The following CFAP61 variants were observed in gnomAD, a reference collection of about 807,000 sequenced individuals.
The protein encoded by CFAP61 is cilia and flagella associated protein 61.
In CFAP61, 107 loss-of-function variants were observed where a neutral mutation model predicts 135.6. The observed-to-expected ratio is 0.79, with a 90% CI of 0.67 to 0.93. The LOEUF (loss-of-function observed/expected upper bound fraction) is 0.93. Ranked by LOEUF, CFAP61 falls within the 40% of genes least tolerant of loss-of-function variation. CFAP61 has a pLI of 0.00. For missense variants in CFAP61, 1,507 were observed against 1,556.2 expected (o/e 0.97, Z 0.53); for synonymous variants, 575 against 578.5 (o/e 0.99, Z 0.09).
At chr20:20,097,558 A>G (rs2047673111) in intron 7 of CFAP61, among the ~76,000 whole-genome samples, 1 of 152,214 alleles carries the variant, frequency 6.6e-6, no homozygotes, top group South Asian at 2.1e-4. Flanking sequence ...GTTAATTTCT[A>G]ATGTTTTGGT....
intron 13 of CFAP61, among the ~76,000 whole-genome samples, chr20:20,172,519 T>G (rs145145602): frequency 6.6e-6 from 1 of 152,274 alleles, no homozygotes; most frequent in African/African-American, 2.4e-5. Flanking sequence ...GGTTTCATCA[T>G]GTTGCCCAGG....
rs1396745264 is a variant in CFAP61 at position 20,342,059 on chromosome 20, C to G, written c.3513+138C>G. The G allele has an allele frequency of 5.3e-6, 3 of 565,442 alleles. No homozygotes were observed. In the South Asian group the frequency reaches 8.7e-5, roughly 16 times the overall value. The allele number at this position is 565,442 out of a possible 1,614,324, so 35.0% of individuals were successfully genotyped here. On this transcript the variant is annotated intron_variant, in intron 26 of 26. Coordinates refer to ENST00000245957, the MANE Select transcript of CFAP61 (RefSeq NM_015585.4). Reference sequence around the variant, plus strand: ...AACAACAGTATCTCATATAAACAAACTGCGGAGCATGTAAATGCAGACTGT... The same window carrying G: ...AACAACAGTATCTCATATAAACAAAGTGCGGAGCATGTAAATGCAGACTGT...
intron 15 of CFAP61, among the ~76,000 whole-genome samples, chr20:20,191,651 C>A (rs1262041164): frequency 1.3e-5 from 2 of 152,048 alleles, no homozygotes; most frequent in African/African-American, 4.8e-5. Context: ...AACATTCTCA[C>A]CCTAAAAACT....
chr20:20,215,847 A>G (rs2048011483), intron 17 of CFAP61, among the ~76,000 whole-genome samples: 1 of 152,106 alleles, frequency 6.6e-6, no homozygotes, highest in African/African-American at 2.4e-5. Flanking sequence ...AAAAATAAAA[A>G]TAAAAAAACT....
intron 2 of CFAP61, among the ~76,000 whole-genome samples, chr20:20,058,035 G>A (rs1019864485): frequency 2.6e-5 from 4 of 152,132 alleles, no homozygotes; most frequent in Non-Finnish European, 2.9e-5. Flanking sequence ...ACCCTGTTCC[G>A]CATTATTTTT....
chr20:20,282,527 A>T (rs2147052271), intron 22 of CFAP61, among the ~76,000 whole-genome samples: 1 of 152,264 alleles, frequency 6.6e-6, no homozygotes, highest in African/African-American at 2.4e-5. Flanking sequence ...GTGATTTTTT[A>T]TTCAACCTTG....
At position 20,070,768 on chromosome 20, in the gene CFAP61, C is replaced by T. The variant is rs2045647876; in HGVS notation, c.144-86C>T. On this transcript the variant is annotated intron_variant, in intron 2 of 26. Transcript: ENST00000245957. ...GACCTCATGCAGTGGCTGCTGAGCT[C>T]CAGTAGCCAGAGGGAAAAAAATGGC... The T allele has an allele frequency of 1.1e-5, 14 of 1,256,470 alleles. No individual in the cohort carries two copies. The African/African-American group carries it at 1.5e-4, about 13-fold the overall frequency. The allele number at this position is 1,256,470 out of a possible 1,614,324, so 77.8% of individuals were successfully genotyped here. A position where few individuals can be genotyped will look rare whatever the true frequency, so the allele number is the denominator to read the frequency against.
chr20:20,283,219 G>A (rs977680741), intron 22 of CFAP61, among the ~76,000 whole-genome samples: 18 of 151,944 alleles, frequency 1.2e-4, no homozygotes, highest in African/African-American at 4.1e-4. Flanking sequence ...CTTTTTGGGG[G>A]CTCTGTTATT....
intron 25 of CFAP61, among the ~76,000 whole-genome samples, chr20:20,306,095 C>T (rs2056457916): frequency 6.6e-6 from 1 of 152,200 alleles, no homozygotes; most frequent in African/African-American, 2.4e-5. Flanking sequence ...TCACCTCCCA[C>T]CTCTTTCCAC....
chr20:20,318,782 G>A (rs550012903), intron 25 of CFAP61, among the ~76,000 whole-genome samples: 1 of 152,202 alleles, frequency 6.6e-6, no homozygotes, highest in South Asian at 2.1e-4. Context: ...AGGCCAGGGG[G>A]CAAGGCTGCT....
At chr20:20,098,198 G>A (rs944413493) in intron 7 of CFAP61, among the ~76,000 whole-genome samples, 1 of 152,168 alleles carries the variant, frequency 6.6e-6, no homozygotes, top group African/African-American at 2.4e-5. Flanking sequence ...TTTATGTACT[G>A]AAGGAAGACA....
At position 20,129,020 on chromosome 20, in the gene CFAP61, T is replaced by C. The variant is rs6112777; in HGVS notation, c.860-13837T>C. On this transcript the variant is annotated intron_variant, in intron 8 of 26. Transcript: ENST00000245957. ...TTATTATAATTGTTATAACTATTATTATAATAGTTATAACTATTATTGTTT... is the reference window on the plus strand; with the variant it reads ...TTATTATAATTGTTATAACTATTATCATAATAGTTATAACTATTATTGTTT... 2.3e-3 allele frequency among the ~76,000 whole-genome samples: 355 copies of C among 151,632 alleles called. 7 individuals are homozygous for C. The highest frequency in any genetic ancestry group is 6.5e-3 in the African/African-American group (266 of 41,048).
At chr20:20,080,845 T>C (rs1268831901) in intron 6 of CFAP61, among the ~76,000 whole-genome samples, 2 of 151,780 alleles carry the variant, frequency 1.3e-5, no homozygotes, top group Non-Finnish European at 2.9e-5. Context: ...CTTCTAAAAA[T>C]ACAAAAATTA....
In CFAP61 at chr20:20,130,834, A is replaced by G. The variant is rs568807120; in HGVS notation, c.860-12023A>G. ...TTGGAGTCTCCTTTGGTTGAGTTAC[A>G]GAGCAGAATTTCCATGGCTGAGGAT... On this transcript the variant is annotated intron_variant, in intron 8 of 26. Coordinates refer to ENST00000245957, the MANE Select transcript of CFAP61 (RefSeq NM_015585.4). Among the ~76,000 whole-genome samples, 11 of 151,988 alleles carry G rather than the reference A, an allele frequency of 7.2e-5. 1 individual carries two copies. Among genetic ancestry groups the G allele is most frequent in the African/African-American group, 2.7e-4 (11 of 41,248 alleles).
chr20:20,085,099 CTG>C, intron 6 of CFAP61: 2 of 985,374 alleles, frequency 2.0e-6, no homozygotes, highest in Non-Finnish European at 2.4e-6. Context: ...CCGTTGCACT[CTG>C]TGCTGATCTA....
Position 20,196,725 on chromosome 20 carries a change from C to T in CFAP61, c.1746C>T (p.Gly582=). ...KFFLKEILRL[G]FKSCLYYRVY... is the part of the protein sequence containing the mutation. Reference sequence around the variant, plus strand: ...TTCTGAAGGAGATCCTGCGTTTAGGCTTTAAATCCTGTCTCTACTACCGTG... The same window carrying T: ...TTCTGAAGGAGATCCTGCGTTTAGGTTTTAAATCCTGTCTCTACTACCGTG... The change falls in exon 16 of 27, where the codon GGC becomes GGT. Residue 582 remains glycine (G), a synonymous_variant. Coordinates refer to ENST00000245957, the MANE Select transcript of CFAP61 (RefSeq NM_015585.4). The T allele has an allele frequency of 6.2e-7, 1 of 1,614,192 alleles. No individual in the cohort carries two copies. The highest frequency in any genetic ancestry group is 8.5e-7 in the Non-Finnish European group (1 of 1,180,038).
chr20:20,343,267 G>A (rs1056166406), intron 26 of CFAP61, among the ~76,000 whole-genome samples: 8 of 152,224 alleles, frequency 5.3e-5, no homozygotes, highest in African/African-American at 1.4e-4. Context: ...GCCGAAGTGC[G>A]TGTCCTGGGA....
At chr20:20,228,211 T>G in intron 17 of CFAP61, 38 bp from the exon 18 acceptor site, 1 of 1,581,224 alleles carries the variant, frequency 6.3e-7, no homozygotes, top group African/African-American at 1.3e-5. Context: ...TGCTACGTTT[T>G]CTTTGACTCC....
chr20:20,178,644 A>G (rs1265818900), intron 13 of CFAP61, among the ~76,000 whole-genome samples: 1 of 150,370 alleles, frequency 6.7e-6, no homozygotes, highest in Non-Finnish European at 1.5e-5. Context: ...TCAGTAAATA[A>G]AATGCATTTA....
Sources: allele counts gnomAD v4.1 joint callset (sites outside exome capture counted in the v4.1 genomes callset), GRCh38; gene constraint gnomAD v4.1.1; transcripts MANE v1.5; gene names NCBI Gene and HGNC (gene_info 2026-07-23, HGNC 2026-07-21).